The following ENTREP2 variants were observed in gnomAD, a reference collection of about 807,000 sequenced individuals.
ENTREP2 encodes the protein protein ENTREP2.
At chr15:29,157,692 CAGG>C in the ENTREP2 span, among the ~76,000 whole-genome samples, 1 of 151,362 alleles carries the variant, frequency 6.6e-6, no homozygotes, top group South Asian at 2.1e-4. Flanking sequence ...TTATATATCT[CAGG>C]AGAACAATTC....
chr15:29,489,578 T>G, the ENTREP2 span, among the ~76,000 whole-genome samples: 1 of 152,204 alleles, frequency 6.6e-6, no homozygotes, highest in Non-Finnish European at 1.5e-5. Flanking sequence ...CATAGGTGCA[T>G]CCCAATGCCA....
the ENTREP2 span, among the ~76,000 whole-genome samples, chr15:29,646,005 G>A: frequency 1.3e-5 from 2 of 152,150 alleles, no homozygotes; most frequent in Non-Finnish European, 2.9e-5. Flanking sequence ...ACTGGAAGCA[G>A]GGCAAATGTC....
At chr15:29,507,023 A>G in the ENTREP2 span, among the ~76,000 whole-genome samples, 3 of 152,206 alleles carry the variant, frequency 2.0e-5, no homozygotes, top group African/African-American at 7.2e-5. Flanking sequence ...TCTCACATGC[A>G]AAGACACACT....
At chr15:29,207,450 G>A in the ENTREP2 span, among the ~76,000 whole-genome samples, 4 of 136,030 alleles carry the variant, frequency 2.9e-5, no homozygotes, top group East Asian at 4.2e-4. Flanking sequence ...CTGCCGGTTG[G>A]GGGGCGGGGG....
chr15:29,539,220 C>CA, the ENTREP2 span, among the ~76,000 whole-genome samples: 1 of 130,154 alleles, frequency 7.7e-6, no homozygotes, highest in African/African-American at 2.8e-5. Flanking sequence ...CCCCCACCCC[C>CA]ACCAGCATCC....
chr15:29,271,247 A>AT, the ENTREP2 span, among the ~76,000 whole-genome samples: 1 of 152,186 alleles, frequency 6.6e-6, no homozygotes, highest in Non-Finnish European at 1.5e-5. Flanking sequence ...CAAGGCATTC[A>AT]TTTTTTTACA....
the ENTREP2 span, among the ~76,000 whole-genome samples, chr15:29,332,254 CA>C: frequency 7.3e-5 from 11 of 149,850 alleles, no homozygotes; most frequent in East Asian, 3.9e-4. Context: ...TAAAATTCAG[CA>C]AAAAAAAAGA....
the ENTREP2 span, among the ~76,000 whole-genome samples, chr15:29,595,463 C>T: frequency 6.6e-6 from 1 of 152,066 alleles, no homozygotes; most frequent in Non-Finnish European, 1.5e-5. Flanking sequence ...ATACTTTGTC[C>T]AGAATTCCTG....
At chr15:29,398,873 G>A in the ENTREP2 span, among the ~76,000 whole-genome samples, 1 of 152,222 alleles carries the variant, frequency 6.6e-6, no homozygotes, top group African/African-American at 2.4e-5. Context: ...GAATATGTAT[G>A]TGATTAGGTT....
At chr15:29,481,226 ACTT>A in the ENTREP2 span, among the ~76,000 whole-genome samples, 1 of 152,194 alleles carries the variant, frequency 6.6e-6, no homozygotes, top group Non-Finnish European at 1.5e-5. Context: ...CTATACGGGC[ACTT>A]CTCAATTAGA....
At chr15:29,635,504 G>A in the ENTREP2 span, among the ~76,000 whole-genome samples, 1 of 152,146 alleles carries the variant, frequency 6.6e-6, no homozygotes, top group Non-Finnish European at 1.5e-5. Flanking sequence ...CATGGGACAG[G>A]GGACACAGAG....
the ENTREP2 span, among the ~76,000 whole-genome samples, chr15:29,346,314 G>T: frequency 1.3e-5 from 2 of 152,152 alleles, no homozygotes; most frequent in Admixed American, 6.5e-5. Flanking sequence ...GCCACTCACC[G>T]GCCGGGGACT....
chr15:29,400,353 A>G, the ENTREP2 span, among the ~76,000 whole-genome samples: 1 of 152,236 alleles, frequency 6.6e-6, no homozygotes, highest in Non-Finnish European at 1.5e-5. Flanking sequence ...ATAAGAGGTG[A>G]GCAGGAGCAA....
At chr15:29,587,663 CT>C in the ENTREP2 span, among the ~76,000 whole-genome samples, 2 of 152,014 alleles carry the variant, frequency 1.3e-5, no homozygotes, top group African/African-American at 4.8e-5. Context: ...GAGGAAGTGT[CT>C]TTTTTTATTT....
At chr15:29,594,168 C>T in the ENTREP2 span, among the ~76,000 whole-genome samples, 7 of 151,978 alleles carry the variant, frequency 4.6e-5, no homozygotes, top group African/African-American at 7.3e-5. Context: ...CAGCTATGAG[C>T]GCAACAGGCT....
chr15:29,532,589 T>C, the ENTREP2 span, among the ~76,000 whole-genome samples: 1 of 152,164 alleles, frequency 6.6e-6, no homozygotes, highest in Non-Finnish European at 1.5e-5. Flanking sequence ...AACAGCATCA[T>C]CTTCTAACCA....
the ENTREP2 span, among the ~76,000 whole-genome samples, chr15:29,521,215 T>C: frequency 6.6e-6 from 1 of 152,164 alleles, no homozygotes; most frequent in South Asian, 2.1e-4. Context: ...AGTGCCGAGG[T>C]GGAAAAATCC....
the ENTREP2 span, among the ~76,000 whole-genome samples, chr15:29,177,454 T>A: frequency 6.6e-6 from 1 of 152,204 alleles, no homozygotes; most frequent in Non-Finnish European, 1.5e-5. Flanking sequence ...GGTGTGACTA[T>A]CAGTTTTCAG....
chr15:29,629,795 T>C, the ENTREP2 span, among the ~76,000 whole-genome samples: 1 of 152,190 alleles, frequency 6.6e-6, no homozygotes, highest in Non-Finnish European at 1.5e-5. Flanking sequence ...CTGCTATCAC[T>C]TGCATTTTGT....
Sources: allele counts gnomAD v4.1 joint callset (sites outside exome capture counted in the v4.1 genomes callset), GRCh38; gene constraint gnomAD v4.1.1; transcripts MANE v1.5; gene names NCBI Gene and HGNC (gene_info 2026-07-23, HGNC 2026-07-21).